Variants in PARP8 observed in about 807,000 individuals in gnomAD.
The protein encoded by PARP8 is protein mono-ADP-ribosyltransferase PARP8.
In PARP8, 51 loss-of-function variants were observed where a neutral mutation model predicts 124.1. The ratio of observed to expected loss-of-function variants is 0.41; its 90% CI spans 0.33 to 0.52. PARP8 has a LOEUF of 0.52. Among genes scored for constraint, PARP8 ranks in the 20% least tolerant of loss-of-function variants. PARP8 has a pLI of 0.21. For missense variants in PARP8, 860 were observed against 1,018.9 expected, an observed-to-expected ratio of 0.84 and a Z score of 2.12; for synonymous variants, 391 against 361.5, an observed-to-expected ratio of 1.08 and a Z score of -0.93.
At chr5:50,668,851 A>G (rs1163961552) in intron 2 of PARP8, 7 of 152,230 alleles carry the variant, frequency 4.6e-5, no homozygotes, top group Admixed American at 3.9e-4. Context: ...CCCTTTAGGG[A>G]CACAGTAGTT....
intron 12 of PARP8, 121 bp downstream of exon 12, chr5:50,795,538 T>C: frequency 1.2e-6 from 1 of 807,098 alleles, no homozygotes; most frequent in Non-Finnish European, 1.8e-6. Context: ...ACTGTTTTTT[T>C]AAAATCTTTT....
chr5:50,688,869 T>A (rs1298798352), intron 2 of PARP8, among the ~76,000 whole-genome samples: 3 of 152,144 alleles, frequency 2.0e-5, no homozygotes, highest in Non-Finnish European at 4.4e-5. Context: ...TATGATGTAT[T>A]ATTGGTTGAG....
chr5:50,800,304 CTTAT>C (rs1385383842), intron 14 of PARP8, among the ~76,000 whole-genome samples: 2 of 152,170 alleles, frequency 1.3e-5, no homozygotes, highest in African/African-American at 4.8e-5. Context: ...CATTGCTGAA[CTTAT>C]TTGTTAGCTC....
intron 2 of PARP8, among the ~76,000 whole-genome samples, chr5:50,681,289 A>G (rs1751261953): frequency 6.6e-6 from 1 of 152,074 alleles, no homozygotes; most frequent in Non-Finnish European, 1.5e-5. Context: ...GTATCTGAAG[A>G]TTTTTTTGGC....
chr5:50,667,090 T>A lies in PARP8; in HGVS notation c.-6T>A. 1.9e-6 allele frequency: 3 copies of A among 1,596,280 alleles called. No homozygotes were observed. Among genetic ancestry groups the A allele is most frequent in the Non-Finnish European group, 2.5e-6 (3 of 1,179,730 alleles). On this transcript the variant is annotated 5_prime_UTR_variant, in exon 1 of 26. Coordinates refer to ENST00000281631, the MANE Select transcript of PARP8 (RefSeq NM_024615.4). ...AGCGGCTGCTTCTTTTCCAGGGATT[T>A]ATTTAATGGGGATGTGTTCAAGGCA...
intron 2 of PARP8, among the ~76,000 whole-genome samples, chr5:50,747,794 A>T: frequency 2.5e-5 from 2 of 80,706 alleles, no homozygotes; most frequent in African/African-American, 4.7e-5. Context: ...TTTTTTTGAG[A>T]CGGAGTCTCG....
Position 50,788,567 on chromosome 5 carries a change from G to A in PARP8, c.715G>A (p.Gly239Arg). Residue 239 changes from glycine to arginine, a missense_variant, in exon 10 of 26, where the codon GGA becomes AGA. Gly to Arg is a moderately radical substitution (Grantham distance 125). Around this residue, in one of 2 missense-constraint regions of PARP8, gnomAD observed 517 missense variants for 544.2 expected, o/e 0.95. Coordinates refer to ENST00000281631, the MANE Select transcript of PARP8 (RefSeq NM_024615.4). ...TCAGATTTCCACAAAAGAGCGATTT[G>A]GATTGGGACATCAGCTGAAAAAGTA... is the stretch of plus-strand genomic sequence containing the variant. ...VFQISTKERF[G>R]LGHQLKKIMQ... 6.2e-7 allele frequency: 1 copy of A among 1,613,080 alleles called. No homozygotes were observed.
chr5:50,712,470 A>G (rs1205041242), intron 2 of PARP8, among the ~76,000 whole-genome samples: 2 of 152,182 alleles, frequency 1.3e-5, no homozygotes, highest in African/African-American at 4.8e-5. Flanking sequence ...TGTTAATATC[A>G]GACAACATTT....
intron 14 of PARP8, among the ~76,000 whole-genome samples, chr5:50,799,046 C>G (rs1370889280): frequency 6.6e-6 from 1 of 152,012 alleles, no homozygotes; most frequent in Non-Finnish European, 1.5e-5. Flanking sequence ...TAAAGGTAAT[C>G]TTTGACACAC....
At chr5:50,757,405 C>A (rs1398719423) in intron 3 of PARP8, among the ~76,000 whole-genome samples, 1 of 152,112 alleles carries the variant, frequency 6.6e-6, no homozygotes, top group Non-Finnish European at 1.5e-5. Flanking sequence ...GTTTGATGTG[C>A]TTTCTTTCCT....
intron 24 of PARP8, 127 bp downstream of exon 24, chr5:50,834,175 A>G: frequency 1.3e-6 from 1 of 765,460 alleles, no homozygotes; most frequent in Non-Finnish European, 2.0e-6. Flanking sequence ...ATCATCTCAA[A>G]GGGCACAAAT....
At chr5:50,685,720 G>A (rs1751785108) in intron 2 of PARP8, among the ~76,000 whole-genome samples, 1 of 152,178 alleles carries the variant, frequency 6.6e-6, no homozygotes, top group South Asian at 2.1e-4. Context: ...AAAGAAAGAG[G>A]TTTAATTGGA....
intron 3 of PARP8, among the ~76,000 whole-genome samples, chr5:50,756,240 G>A (rs1180894167): frequency 6.6e-6 from 1 of 152,070 alleles, no homozygotes; most frequent in Non-Finnish European, 1.5e-5. Flanking sequence ...TGGTGAGAGA[G>A]GGCATCCCTG....
intron 18 of PARP8, among the ~76,000 whole-genome samples, chr5:50,825,539 G>A (rs1746245741): frequency 1.3e-5 from 2 of 152,154 alleles, no homozygotes. Context: ...ACTGTGAAGA[G>A]GAGAGAAGTC....
At chr5:50,792,420 A>G (rs1407642813) in intron 10 of PARP8, among the ~76,000 whole-genome samples, 1 of 152,082 alleles carries the variant, frequency 6.6e-6, no homozygotes, top group Non-Finnish European at 1.5e-5. Flanking sequence ...TAGATGTTGA[A>G]TCACACTTTG....
chr5:50,714,653 T>C (rs1476669864), intron 2 of PARP8, among the ~76,000 whole-genome samples: 1 of 152,072 alleles, frequency 6.6e-6, no homozygotes, highest in Non-Finnish European at 1.5e-5. Flanking sequence ...TTGCCAAGAT[T>C]ATTGGAAGCT....
At chr5:50,749,458 G>A (rs1352862555) in intron 2 of PARP8, among the ~76,000 whole-genome samples, 1 of 151,860 alleles carries the variant, frequency 6.6e-6, no homozygotes, top group Non-Finnish European at 1.5e-5. Flanking sequence ...GATAAAAAAT[G>A]AACAGATAAA....
At chr5:50,672,423 G>A (rs1750135685) in intron 2 of PARP8, among the ~76,000 whole-genome samples, 1 of 152,176 alleles carries the variant, frequency 6.6e-6, no homozygotes, top group African/African-American at 2.4e-5. Flanking sequence ...GAATTTCCTG[G>A]CCTAAATGAC....
At chr5:50,711,491 AT>A (rs1181584552) in intron 2 of PARP8, among the ~76,000 whole-genome samples, 1 of 151,804 alleles carries the variant, frequency 6.6e-6, no homozygotes, top group Non-Finnish European at 1.5e-5. Flanking sequence ...GCTGACTTTC[AT>A]TTTCATTTCT....
Sources: allele counts gnomAD v4.1 joint callset (sites outside exome capture counted in the v4.1 genomes callset), GRCh38; gene constraint gnomAD v4.1.1; regional missense constraint gnomAD v4.1.1; transcripts MANE v1.5; gene names NCBI Gene and HGNC (gene_info 2026-07-23, HGNC 2026-07-21).